Variants in PHC3 observed in about 807,000 individuals in gnomAD.
The protein encoded by PHC3 is polyhomeotic homolog 3.
PHC3 carries 13 observed loss-of-function variants against 107.4 expected under a neutral mutation model. That is an observed-to-expected ratio of 0.12 (90% confidence interval 0.08 to 0.19). PHC3 has a LOEUF of 0.19. Among genes scored for constraint, PHC3 ranks in the 10% least tolerant of loss-of-function variants. The pLI is 1.00. For synonymous variants in PHC3, 456 were observed against 427.4 expected (o/e 1.07, Z -0.83); for missense variants, 992 against 1,210.9 (o/e 0.82, Z 2.68).
In PHC3 at chr3:170,178,231, C is replaced by T. The variant is rs536579786; in HGVS notation, c.180+542G>A. Among the ~76,000 whole-genome samples the T allele has an allele frequency of 8.3e-4, 126 of 151,538 alleles. No individual in the cohort carries two copies. In the Middle Eastern group the frequency reaches 0.01, roughly 12 times the overall value. ...CGATCTCCGCTCACTGCAAGCTCCG[C>T]CTTCCGGGTTCACGCCATTCTCCTG... On this transcript the variant is annotated intron_variant, in intron 2 of 14. Transcript: ENST00000495893.
At position 170,111,320 on chromosome 3, in the gene PHC3, AC is replaced by A. The variant is rs1312404760; in HGVS notation, c.2353+2039del. Among the ~76,000 whole-genome samples, 55 of 110,208 alleles carry A rather than the reference AC, an allele frequency of 5.0e-4. 1 individual carries two copies. The South Asian group carries it at 5.4e-3, about 11-fold the overall frequency. 72.3% of individuals were successfully genotyped at this position (110,208 alleles called of 152,430 possible). The stretch of plus-strand genomic sequence containing the variant: ...AAGGAAGGAAGGAAGGAAGGAAGGA[AC>A]GAACGAACGAAAGAACAAAAGAACG... On this transcript the variant is annotated intron_variant, in intron 11 of 14. Transcript: ENST00000495893.
At position 170,161,911 on chromosome 3, in the gene PHC3, T is replaced by C. The variant is rs187384671; in HGVS notation, c.414+9462A>G. Among the ~76,000 whole-genome samples the C allele has an allele frequency of 9.8e-5, 15 of 152,302 alleles. No individual in the cohort carries two copies. In the East Asian group the frequency reaches 2.7e-3, roughly 27 times the overall value. ...TTCTATCACATCCCTAAAGGTCCTATCTCTAATACAGTCACATCAGTTAGG... is the reference window on the plus strand; with the variant it reads ...TTCTATCACATCCCTAAAGGTCCTACCTCTAATACAGTCACATCAGTTAGG... On this transcript the variant is annotated intron_variant, in intron 4 of 14. Coordinates refer to ENST00000495893, the MANE Select transcript of PHC3 (RefSeq NM_024947.4).
chr3:170,136,740 C>A, intron 6 of PHC3, 75 bp from the exon 7 acceptor site: 1 of 1,431,398 alleles, frequency 7.0e-7, no homozygotes, highest in Non-Finnish European at 9.6e-7. Context: ...ACCATTATGA[C>A]AATACTGACA....
At chr3:170,129,858 C>A (rs572425211) in intron 7 of PHC3, among the ~76,000 whole-genome samples, 2 of 152,270 alleles carry the variant, frequency 1.3e-5, no homozygotes, top group East Asian at 3.9e-4. Context: ...CGCTACCACA[C>A]CCGGCTAACT....
At chr3:170,170,435 A>G (rs1450936131) in intron 4 of PHC3, 1 of 150,776 alleles carries the variant, frequency 6.6e-6, no homozygotes, top group African/African-American at 2.4e-5. Flanking sequence ...CCCTGACAAC[A>G]AAGAATTATC....
Position 170,129,384 on chromosome 3 carries a change from T to C in PHC3, c.1088A>G (p.His363Arg). The change falls in exon 8 of 15, where the codon CAC (histidine) becomes CGC (arginine). Residue 363 changes from histidine to arginine, a missense_variant. By Grantham distance (29) the His-to-Arg change is conservative. Transcript: ENST00000495893. ...GCCATGGTTCTGGAGTGGTATACAG[T>C]GCTGGGATGGGGGTGGGTCTTGAGT... is the stretch of plus-strand genomic sequence containing the variant. ...NSTQDPPPSQ[H>R]CIPLQNHGLP... is the part of the protein sequence containing the mutation. 6.2e-7 allele frequency: 1 copy of C among 1,613,856 alleles called. No homozygotes were observed. Among genetic ancestry groups the C allele is most frequent in the South Asian group, 1.1e-5 (1 of 91,078 alleles).
chr3:170,123,776 G>C (rs565318234), intron 8 of PHC3, among the ~76,000 whole-genome samples: 66 of 152,000 alleles, frequency 4.3e-4, no homozygotes, highest in African/African-American at 1.3e-3. Flanking sequence ...CTGGGTAACA[G>C]AGTGAGACTC....
intron 11 of PHC3, among the ~76,000 whole-genome samples, chr3:170,113,060 A>G (rs534339123): frequency 6.6e-6 from 1 of 152,274 alleles, no homozygotes; most frequent in South Asian, 2.1e-4. Context: ...AAGAAAATTG[A>G]TTGTTTTGAT....
At chr3:170,174,763 C>A (rs552054964) in intron 2 of PHC3, among the ~76,000 whole-genome samples, 2 of 152,302 alleles carry the variant, frequency 1.3e-5, no homozygotes, top group South Asian at 2.1e-4. Context: ...ATGCCTGATA[C>A]AAATTTCTGT....
At position 170,097,155 on chromosome 3, in the gene PHC3, C is replaced by A; in HGVS notation, c.*75G>T. The stretch of plus-strand genomic sequence containing the variant: ...ACCACAATAAGTGTCATATTCTAGA[C>A]CAAGTTAGGCCTTTACCTTACAAGT... On this transcript the variant is annotated 3_prime_UTR_variant, in exon 15 of 15. Coordinates refer to ENST00000495893, the MANE Select transcript of PHC3 (RefSeq NM_024947.4). The surrounding 1 kb of genome is among the most constrained non-coding windows in gnomAD (Gnocchi z 4.1). The A allele has an allele frequency of 6.9e-7, 1 of 1,440,594 alleles. No homozygotes were observed. Among genetic ancestry groups the A allele is most frequent in the Non-Finnish European group, 9.3e-7 (1 of 1,073,550 alleles). The allele number at this position is 1,440,594 out of a possible 1,614,324, so 89.2% of individuals were successfully genotyped here. A position where few individuals can be genotyped will look rare whatever the true frequency, so the allele number is the denominator to read the frequency against.
chr3:170,162,176 C>T (rs980289426), intron 4 of PHC3, among the ~76,000 whole-genome samples: 1 of 152,184 alleles, frequency 6.6e-6, no homozygotes, highest in Non-Finnish European at 1.5e-5. Flanking sequence ...TTCTACTCAA[C>T]TTTCTCTCAT....
intron 11 of PHC3, among the ~76,000 whole-genome samples, chr3:170,108,939 GAAATA>G (rs1462321909): frequency 6.6e-6 from 1 of 152,124 alleles, no homozygotes; most frequent in African/African-American, 2.4e-5. Flanking sequence ...TGACAGAGAG[GAAATA>G]CCAAACAGAA....
Position 170,129,010 on chromosome 3 carries a change from A to G in PHC3, c.1462T>C (p.Ser488Pro). The G allele has an allele frequency of 6.2e-7, 1 of 1,613,644 alleles. No homozygotes were observed. Among genetic ancestry groups the G allele is most frequent in the Non-Finnish European group, 8.5e-7 (1 of 1,179,716 alleles). Residue 488 changes from serine (S) to proline (P), a missense_variant, in exon 8 of 15, where the codon TCC becomes CCC. Ser to Pro is a moderately conservative substitution (Grantham distance 74). Around this residue, in one of 6 missense-constraint regions of PHC3, gnomAD observed 543 missense variants for 590.8 expected, o/e 0.92. Transcript: ENST00000495893. ...GGAGAGACAATCTGCTGGCCTGGGG[A>G]TACCAAGGCAGACTGCTGAACTGGG... is the stretch of plus-strand genomic sequence containing the variant. ...IGPVQQSALV[S>P]PGQQIVSPSH...
chr3:170,121,901 A>G (rs1273838587), intron 9 of PHC3, among the ~76,000 whole-genome samples: 1 of 152,248 alleles, frequency 6.6e-6, no homozygotes, highest in Admixed American at 6.5e-5. Flanking sequence ...CTGAAATGAT[A>G]GGTTTTCATC....
intron 9 of PHC3, 49 bp from the exon 10 acceptor site, chr3:170,117,525 C>A: frequency 6.4e-7 from 1 of 1,552,516 alleles, no homozygotes; most frequent in South Asian, 1.2e-5. Flanking sequence ...AGCATTTTGC[C>A]CAAGCAAATG....
chr3:170,159,566 G>A (rs951312744), intron 4 of PHC3, among the ~76,000 whole-genome samples: 6 of 152,110 alleles, frequency 3.9e-5, no homozygotes, highest in Non-Finnish European at 8.8e-5. Context: ...TTAATTTCTC[G>A]TGGATTTGTT....
At chr3:170,171,027 T>G (rs1397584854) in intron 4 of PHC3, 4 of 296,142 alleles carry the variant, frequency 1.4e-5, no homozygotes. Context: ...ACCAAGGACA[T>G]GACATACTAT....
chr3:170,170,109 T>C (rs1472604811), intron 4 of PHC3: 3 of 151,442 alleles, frequency 2.0e-5, no homozygotes, highest in Non-Finnish European at 4.4e-5. Context: ...CACAGCTATA[T>C]GCTGACCACA....
chr3:170,097,522 T>A lies in PHC3; in HGVS notation c.2834-138A>T. 1.3e-6 allele frequency: 1 copy of A among 793,618 alleles called. No individual in the cohort carries two copies. The highest frequency in any genetic ancestry group is 1.8e-6 in the Non-Finnish European group (1 of 543,494). The allele number at this position is 793,618 out of a possible 1,614,324, so 49.2% of individuals were successfully genotyped here. On this transcript the variant is annotated intron_variant, in intron 14 of 14. Transcript: ENST00000495893. This position sits in a 1 kb window ranked among gnomAD's most constrained non-coding sequence, Gnocchi z 4.1. ...AGAAACAAATGAAATTTATTTATGG[T>A]AGTCTTGAGTTCACTCTTGAAGAAT...
Sources: gnomAD v4.1 joint callset for allele counts (sites outside exome capture counted in the v4.1 genomes callset) on GRCh38, gnomAD v4.1.1 for gene constraint, gnomAD v4.1.1 regional missense constraint, Gnocchi (gnomAD v3.1) non-coding constraint, MANE v1.5 for transcripts, NCBI Gene and HGNC (gene_info 2026-07-23, HGNC 2026-07-21) for gene names.